The following AKT3 variants were observed in gnomAD, a reference collection of about 807,000 sequenced individuals.
AKT3 encodes RAC-gamma serine/threonine-protein kinase.
AKT3 carries 15 observed loss-of-function variants against 65.3 expected under a neutral mutation model. The ratio of observed to expected loss-of-function variants is 0.23; its 90% CI spans 0.15 to 0.35. The LOEUF (loss-of-function observed/expected upper bound fraction) is 0.35, where lower values mean the gene tolerates loss of function less well. Among genes scored for constraint, AKT3 ranks in the 10% least tolerant of loss-of-function variants. The probability of loss-of-function intolerance (pLI) is 1.00; values close to 1 mark genes in which losing one functional copy is unlikely to be tolerated. For missense variants in AKT3, 243 were observed against 576.5 expected (o/e 0.42, Z 5.92); for synonymous variants, 206 against 183.8 (o/e 1.12, Z -0.98).
downstream of AKT3, among the ~76,000 whole-genome samples, chr1:243,498,384 G>T (rs1301230285): frequency 6.6e-6 from 1 of 152,146 alleles, no homozygotes; most frequent in Non-Finnish European, 1.5e-5. Context: ...GCATCCCGTG[G>T]GCCCAGGAAA....
intron 2 of AKT3, among the ~76,000 whole-genome samples, chr1:243,757,551 G>A (rs1689214374): frequency 6.6e-6 from 1 of 152,102 alleles, no homozygotes; most frequent in Admixed American, 6.5e-5. Flanking sequence ...CCGGGAGGCG[G>A]AGGCTGCAGT....
rs1669576412 is a variant in AKT3 at position 243,505,023 on chromosome 1, A to T, written c.*226T>A. ...GTAAGACAGTAGCAGCAACAGCATG[A>T]GACCTTAGACTGAGATACAATTTCA... is the stretch of plus-strand genomic sequence containing the variant. On this transcript the variant is annotated 3_prime_UTR_variant, in exon 14 of 14. Coordinates refer to ENST00000673466, the MANE Select transcript of AKT3 (RefSeq NM_005465.7). 3 of 512,474 alleles carry T rather than the reference A, an allele frequency of 5.9e-6. No homozygotes were observed. The highest frequency in any genetic ancestry group is 3.9e-5 in the African/African-American group (2 of 51,942). The allele number at this position is 512,474 out of a possible 1,614,324, so 31.7% of individuals were successfully genotyped here.
intron 2 of AKT3, among the ~76,000 whole-genome samples, chr1:243,720,457 AAATC>A (rs921332006): frequency 5.3e-4 from 80 of 150,682 alleles, no homozygotes; most frequent in African/African-American, 1.8e-3. Context: ...AAAAAGTTCT[AAATC>A]AAACATGAGC....
At chr1:243,690,517 T>C (rs1684620905) in intron 3 of AKT3, among the ~76,000 whole-genome samples, 1 of 152,198 alleles carries the variant, frequency 6.6e-6, no homozygotes, top group South Asian at 2.1e-4. Flanking sequence ...TTATTTTTAC[T>C]TACATTTCTA....
intron 2 of AKT3, among the ~76,000 whole-genome samples, chr1:243,708,157 G>C (rs775002076): frequency 2.6e-5 from 4 of 151,884 alleles, no homozygotes; most frequent in Admixed American, 6.6e-5. Flanking sequence ...ACAATTTATG[G>C]CCAGTCATGT....
At chr1:243,632,197 C>T (rs1048571015) in intron 6 of AKT3, among the ~76,000 whole-genome samples, 4 of 152,134 alleles carry the variant, frequency 2.6e-5, no homozygotes, top group Non-Finnish European at 5.9e-5. Context: ...TAATTACTGT[C>T]TATTACAAAA....
intron 2 of AKT3, among the ~76,000 whole-genome samples, chr1:243,731,788 T>C (rs1184552614): frequency 1.3e-5 from 2 of 152,190 alleles, no homozygotes; most frequent in Non-Finnish European, 2.9e-5. Context: ...CATGGACCAA[T>C]GTACTTCACT....
At chr1:243,813,146 G>A (rs1028346595) in intron 2 of AKT3, among the ~76,000 whole-genome samples, 4 of 152,108 alleles carry the variant, frequency 2.6e-5, no homozygotes, top group Non-Finnish European at 4.4e-5. Flanking sequence ...CCTGCACGTT[G>A]TGCACATGTA....
intron 12 of AKT3, among the ~76,000 whole-genome samples, chr1:243,524,594 T>C (rs1319070439): frequency 6.6e-6 from 1 of 152,200 alleles, no homozygotes; most frequent in Non-Finnish European, 1.5e-5. Context: ...TTAAATAAGC[T>C]CTCTCACACA....
At chr1:243,582,308 T>C (rs1359407615) in intron 8 of AKT3, among the ~76,000 whole-genome samples, 1 of 150,294 alleles carries the variant, frequency 6.7e-6, no homozygotes. Context: ...CTGTCCAAGG[T>C]CAACACTAAA....
At chr1:243,731,301 A>G (rs533515223) in intron 2 of AKT3, among the ~76,000 whole-genome samples, 1 of 152,338 alleles carries the variant, frequency 6.6e-6, no homozygotes, top group East Asian at 1.9e-4. Context: ...AATGGCATGC[A>G]ATATCACCAA....
chr1:243,557,256 G>A (rs1417485847), intron 10 of AKT3, among the ~76,000 whole-genome samples: 5 of 152,022 alleles, frequency 3.3e-5, no homozygotes, highest in Admixed American at 1.3e-4. Context: ...CATAACCCAA[G>A]TAACAATAGC....
intron 2 of AKT3, among the ~76,000 whole-genome samples, chr1:243,699,241 T>C (rs891953612): frequency 6.6e-6 from 1 of 151,890 alleles, no homozygotes; most frequent in African/African-American, 2.4e-5. Context: ...TGCATCATAC[T>C]TTTATGTTTA....
chr1:243,524,957 C>T (rs548980618), intron 12 of AKT3, among the ~76,000 whole-genome samples: 23 of 152,208 alleles, frequency 1.5e-4, no homozygotes, highest in African/African-American at 5.5e-4. Context: ...CAGCTTATGC[C>T]ATTTAGGGTA....
At chr1:243,499,272 C>T (rs984362373), downstream of AKT3, among the ~76,000 whole-genome samples, 2 of 152,200 alleles carry the variant, frequency 1.3e-5, no homozygotes, top group Non-Finnish European at 2.9e-5. Flanking sequence ...TCATAGGTTA[C>T]AATAAATTGC....
At chr1:243,588,248 T>G in intron 8 of AKT3, among the ~76,000 whole-genome samples, 3 of 152,020 alleles carry the variant, frequency 2.0e-5, no homozygotes, top group Non-Finnish European at 4.4e-5. Flanking sequence ...TGTGTAGGGT[T>G]TAACTTTATG....
At chr1:243,658,970 C>T (rs1475255732) in intron 4 of AKT3, among the ~76,000 whole-genome samples, 1 of 151,402 alleles carries the variant, frequency 6.6e-6, no homozygotes, top group East Asian at 1.9e-4. Flanking sequence ...TTCCAGGCTG[C>T]AGTAAGCCAT....
chr1:243,491,260 C>T (rs895528734), intron 13 of AKT3, among the ~76,000 whole-genome samples: 1 of 152,150 alleles, frequency 6.6e-6, no homozygotes, highest in Non-Finnish European at 1.5e-5. Context: ...AAAATTTTCA[C>T]AAAACGCATT....
chr1:243,667,390 C>A (rs1167907788), intron 3 of AKT3, among the ~76,000 whole-genome samples: 1 of 152,150 alleles, frequency 6.6e-6, no homozygotes, highest in African/African-American at 2.4e-5. Flanking sequence ...TCTACTGTGG[C>A]TTCCTCTATC....
Sources: gnomAD v4.1 joint callset for allele counts (sites outside exome capture counted in the v4.1 genomes callset) on GRCh38, gnomAD v4.1.1 for gene constraint, MANE v1.5 for transcripts, NCBI Gene and HGNC (gene_info 2026-07-23, HGNC 2026-07-21) for gene names.